The following ATP10B variants were observed in gnomAD, a reference collection of about 807,000 sequenced individuals.
ATP10B encodes phospholipid-transporting ATPase VB.
ATP10B carries 122 observed loss-of-function variants against 141.2 expected under a neutral mutation model. The ratio of observed to expected loss-of-function variants is 0.86; its 90% CI spans 0.75 to 1.00. The LOEUF (loss-of-function observed/expected upper bound fraction) is 1.00. Among genes scored for constraint, ATP10B ranks in the 50% least tolerant of loss-of-function variants. The pLI is 0.00. For synonymous variants in ATP10B, 685 were observed against 692.0 expected, an observed-to-expected ratio of 0.99 and a Z score of 0.16; for missense variants, 1,876 against 1,825.3, an observed-to-expected ratio of 1.03 and a Z score of -0.51.
the ATP10B span, among the ~76,000 whole-genome samples, chr5:160,907,042 C>T: frequency 6.6e-6 from 1 of 152,218 alleles, no homozygotes; most frequent in African/African-American, 2.4e-5. Flanking sequence ...AGAACAACCT[C>T]TTTCCTGTGT....
chr5:160,642,881 G>A (rs999004075), intron 9 of ATP10B, among the ~76,000 whole-genome samples: 1 of 152,198 alleles, frequency 6.6e-6, no homozygotes, highest in Non-Finnish European at 1.5e-5. Context: ...CGACTAGCTG[G>A]AGCCATGGTT....
chr5:160,744,267 G>A (rs552109840), intron 2 of ATP10B, among the ~76,000 whole-genome samples: 2 of 152,266 alleles, frequency 1.3e-5, no homozygotes, highest in Admixed American at 1.3e-4. Flanking sequence ...GAGGCTCAGA[G>A]GCCCAGGATT....
At chr5:160,874,682 C>T in the ATP10B span, among the ~76,000 whole-genome samples, 800 of 152,116 alleles carry the variant, frequency 5.3e-3, 7 homozygotes, top group Non-Finnish European at 6.9e-3. Context: ...TACAGAGAAG[C>T]GCTTAAAGGA....
chr5:160,835,896 G>A (rs34409246), intron 1 of ATP10B, among the ~76,000 whole-genome samples: 20,255 of 152,046 alleles, frequency 0.13, 1,436 homozygotes, highest in African/African-American at 0.17. Context: ...AATAAAATTT[G>A]TAATCTTTTA....
intron 11 of ATP10B, among the ~76,000 whole-genome samples, chr5:160,635,909 G>A (rs947511426): frequency 5.9e-5 from 9 of 152,218 alleles, no homozygotes; most frequent in Middle Eastern, 3.4e-3. Flanking sequence ...GGCACATATG[G>A]GTCACTGCTG....
intron 1 of ATP10B, among the ~76,000 whole-genome samples, chr5:160,796,124 T>G (rs1233246219): frequency 6.6e-6 from 1 of 152,136 alleles, no homozygotes; most frequent in Non-Finnish European, 1.5e-5. Context: ...AAAACAGATA[T>G]GGAGGACACC....
intron 3 of ATP10B, among the ~76,000 whole-genome samples, chr5:160,714,794 G>GTTGTTAGTTTTCCGGA (rs1765493837): frequency 7.0e-6 from 1 of 143,626 alleles, no homozygotes; most frequent in Non-Finnish European, 1.5e-5. Flanking sequence ...TGGGTTTTCG[G>GTTGTTAGTTTTCCGGA]TGTAGATGTC....
At chr5:160,845,409 T>G (rs1223458541) in intron 1 of ATP10B, among the ~76,000 whole-genome samples, 1 of 152,098 alleles carries the variant, frequency 6.6e-6, no homozygotes, top group Non-Finnish European at 1.5e-5. Flanking sequence ...TGGTTACATT[T>G]GTGAAAAGGG....
At chr5:160,624,795 G>A (rs1052964471) in intron 13 of ATP10B, among the ~76,000 whole-genome samples, 1 of 152,224 alleles carries the variant, frequency 6.6e-6, no homozygotes, top group Non-Finnish European at 1.5e-5. Context: ...CGCCTAGTGA[G>A]TTAGTGTAAA....
intron 21 of ATP10B, among the ~76,000 whole-genome samples, chr5:160,599,345 C>A (rs905305840): frequency 3.3e-5 from 5 of 152,120 alleles, no homozygotes; most frequent in African/African-American, 1.2e-4. Flanking sequence ...CTATTGAGGA[C>A]ATTAATTGAG....
the ATP10B span, among the ~76,000 whole-genome samples, chr5:160,862,565 G>C: frequency 3.7e-4 from 56 of 151,930 alleles, no homozygotes; most frequent in Non-Finnish European, 7.8e-4. Flanking sequence ...CTGGTATACA[G>C]TATTCTTTAT....
chr5:160,689,024 T>C, intron 3 of ATP10B, 81 bp from the exon 4 acceptor site: 1 of 757,330 alleles, frequency 1.3e-6, no homozygotes, highest in Non-Finnish European at 1.6e-6. Flanking sequence ...AAAAAGCTTG[T>C]CCACCACCAT....
intron 1 of ATP10B, among the ~76,000 whole-genome samples, chr5:160,807,205 A>G (rs1772837374): frequency 6.6e-6 from 1 of 152,222 alleles, no homozygotes; most frequent in African/African-American, 2.4e-5. Flanking sequence ...TAAAATTTAC[A>G]TGTATGTTTA....
the ATP10B span, among the ~76,000 whole-genome samples, chr5:160,891,219 G>C: frequency 1.3e-5 from 2 of 152,140 alleles, no homozygotes; most frequent in Admixed American, 1.3e-4. Context: ...TGTGTTACCA[G>C]ACTGCCAGGT....
intron 1 of ATP10B, among the ~76,000 whole-genome samples, chr5:160,790,333 T>G (rs1435936526): frequency 6.6e-6 from 1 of 152,170 alleles, no homozygotes; most frequent in Non-Finnish European, 1.5e-5. Flanking sequence ...AATTTTTCAG[T>G]GTTGATTAGG....
rs760610785 is a variant in ATP10B, at chr5:160,612,866, G to A, written c.2713C>T (p.Arg905Trp). 2 of 1,613,964 alleles carry A rather than the reference G, an allele frequency of 1.2e-6. No homozygotes were observed. The highest frequency in any genetic ancestry group is 1.7e-6 in the Non-Finnish European group (2 of 1,179,944). The change falls in exon 18 of 26, where the codon CGG (arginine) becomes TGG (tryptophan). Residue 905 changes from arginine (R) to tryptophan (W), a missense_variant. Transcript: ENST00000327245. ...EGVPDTIATLREAGIQLWVLT... is the reference protein window; with the variant it reads ...EGVPDTIATLWEAGIQLWVLT... ...ACCCAGAGCTGGATCCCAGCCTCCC[G>A]CAGAGTGGCAATCGTATCTGGAACT...
At chr5:160,778,178 CAT>C (rs1437872471) in intron 2 of ATP10B, among the ~76,000 whole-genome samples, 1 of 152,158 alleles carries the variant, frequency 6.6e-6, no homozygotes, top group African/African-American at 2.4e-5. Flanking sequence ...AAAGTAAACA[CAT>C]AAATAATTTT....
At chr5:160,898,769 G>C in the ATP10B span, among the ~76,000 whole-genome samples, 1 of 152,112 alleles carries the variant, frequency 6.6e-6, no homozygotes, top group Non-Finnish European at 1.5e-5. Context: ...TGACAGACCA[G>C]ATAAAGAAAA....
At chr5:160,822,588 T>C (rs1484563743) in intron 1 of ATP10B, among the ~76,000 whole-genome samples, 3 of 152,188 alleles carry the variant, frequency 2.0e-5, no homozygotes, top group Non-Finnish European at 4.4e-5. Context: ...GTATTTACAA[T>C]AGGTAAGATT....
Sources: gnomAD v4.1 joint callset for allele counts (sites outside exome capture counted in the v4.1 genomes callset) on GRCh38, gnomAD v4.1.1 for gene constraint, MANE v1.5 for transcripts, NCBI Gene and HGNC (gene_info 2026-07-23, HGNC 2026-07-21) for gene names.